Variants in COG5 observed in about 807,000 individuals in gnomAD.
The protein encoded by COG5 is conserved oligomeric Golgi complex subunit 5.
A neutral mutation model predicts 110.4 loss-of-function variants in COG5; 86 were observed. The observed-to-expected ratio is 0.78, with a 90% CI of 0.65 to 0.93. The LOEUF is 0.93. COG5 is among the 40% of genes least tolerant of loss of function. The pLI is 0.00. For missense variants in COG5, 1,077 were observed against 987.0 expected (o/e 1.09, Z -1.22); for synonymous variants, 360 against 334.6 (o/e 1.08, Z -0.83).
chr7:107,282,758 C>T (rs1805285678), intron 13 of COG5, among the ~76,000 whole-genome samples: 1 of 152,074 alleles, frequency 6.6e-6, no homozygotes, highest in Non-Finnish European at 1.5e-5. Flanking sequence ...GGTGATCCAC[C>T]CACCTCCGCC....
intron 5 of COG5, among the ~76,000 whole-genome samples, chr7:107,537,586 A>G (rs2129165741): frequency 6.6e-6 from 1 of 151,946 alleles, no homozygotes; most frequent in South Asian, 2.1e-4. Flanking sequence ...AGGGCCTGTC[A>G]GGGGGTGGGG....
At chr7:107,228,106 G>T (rs1800493492) in intron 19 of COG5, among the ~76,000 whole-genome samples, 1 of 151,660 alleles carries the variant, frequency 6.6e-6, no homozygotes, top group Non-Finnish European at 1.5e-5. Flanking sequence ...TCAAGACCAG[G>T]CTGGGCAACA....
rs149969308 is a variant in COG5, at chr7:107,539,290, G to C, written c.417+8821C>G. Among the ~76,000 whole-genome samples, 5 of 152,242 alleles carry C rather than the reference G, an allele frequency of 3.3e-5. No homozygotes were observed. The East Asian group carries it at 9.6e-4, about 29-fold the overall frequency. On this transcript the variant is annotated intron_variant, in intron 5 of 21. Coordinates refer to ENST00000297135, the MANE Select transcript of COG5 (RefSeq NM_006348.5). ...GTTTTTTCCTCCTCAGTGTTATAAT[G>C]AAATGACATGTTATTCAAGGACCTG... is the stretch of plus-strand genomic sequence containing the variant.
rs1164647458 is a variant in COG5, at chr7:107,332,554, G to C, written c.1027-8033C>G. The stretch of plus-strand genomic sequence containing the variant: ...ATTCTGAAGAGTGGGAATACCTGAG[G>C]GAGGAGAGATTTAAGAAGAAGTGGT... On this transcript the variant is annotated intron_variant, in intron 10 of 21. Transcript: ENST00000297135. 3.9e-5 allele frequency among the ~76,000 whole-genome samples: 6 copies of C among 152,122 alleles called. No individual in the cohort carries two copies. In the East Asian group the frequency reaches 1.2e-3, roughly 29 times the overall value.
At chr7:107,382,631 G>A (rs1815224427) in intron 7 of COG5, among the ~76,000 whole-genome samples, 1 of 151,996 alleles carries the variant, frequency 6.6e-6, no homozygotes, top group Non-Finnish European at 1.5e-5. Context: ...TAAAGACGGG[G>A]TTTCACCATG....
At chr7:107,380,540 C>A (rs1412528459) in intron 7 of COG5, among the ~76,000 whole-genome samples, 1 of 152,144 alleles carries the variant, frequency 6.6e-6, no homozygotes, top group Non-Finnish European at 1.5e-5. Flanking sequence ...AACACCTCTA[C>A]ACAAATAAAC....
At chr7:107,491,385 T>C (rs1797965203) in intron 6 of COG5, among the ~76,000 whole-genome samples, 1 of 152,084 alleles carries the variant, frequency 6.6e-6, no homozygotes, top group Non-Finnish European at 1.5e-5. Context: ...CACCATTTTA[T>C]CCTACTCACT....
At chr7:107,206,519 A>T (rs1798800593) in intron 21 of COG5, among the ~76,000 whole-genome samples, 1 of 152,356 alleles carries the variant, frequency 6.6e-6, no homozygotes, top group South Asian at 2.1e-4. Flanking sequence ...CCCCAAATGT[A>T]GTCCCTACAG....
At chr7:107,523,757 G>A (rs949186284) in intron 6 of COG5, among the ~76,000 whole-genome samples, 9 of 151,908 alleles carry the variant, frequency 5.9e-5, no homozygotes, top group African/African-American at 1.5e-4. Flanking sequence ...GGAGGTTGCC[G>A]TGAGGCGAGA....
chr7:107,514,537 GAAATCCCTTTTATGAAGCAA>G (rs1799783730), intron 6 of COG5, among the ~76,000 whole-genome samples: 1 of 152,122 alleles, frequency 6.6e-6, no homozygotes, highest in Non-Finnish European at 1.5e-5. Flanking sequence ...ACCAATAGCA[GAAATCCCTTTTATGAAGCAA>G]TTAAATGCTG....
At chr7:107,434,426 G>A (rs1469330640) in intron 6 of COG5, among the ~76,000 whole-genome samples, 1 of 152,122 alleles carries the variant, frequency 6.6e-6, no homozygotes, top group Non-Finnish European at 1.5e-5. Context: ...CAACCCAAAA[G>A]TCCACTGGCA....
chr7:107,207,218 C>T (rs560968189), intron 21 of COG5, among the ~76,000 whole-genome samples: 2 of 152,250 alleles, frequency 1.3e-5, no homozygotes, highest in Non-Finnish European at 2.9e-5. Context: ...CATCCTCCCT[C>T]TTCGTCCTAT....
intron 10 of COG5, among the ~76,000 whole-genome samples, chr7:107,334,858 A>G (rs889217582): frequency 6.6e-6 from 1 of 152,206 alleles, no homozygotes; most frequent in Non-Finnish European, 1.5e-5. Flanking sequence ...TTAAGTACGC[A>G]AACAAAACCA....
chr7:107,270,358 T>A lies in COG5; in HGVS notation c.1575+10942A>T, dbSNP rs541138555. On this transcript the variant is annotated intron_variant, in intron 14 of 21. Transcript: ENST00000297135. ...TCGCTACAGCCTCCACCTTCTGGGA[T>A]CAAGTGATCCTTCCTGCCTCAGCTT... is the stretch of plus-strand genomic sequence containing the variant. 2.6e-5 allele frequency among the ~76,000 whole-genome samples: 4 copies of A among 151,544 alleles called. No homozygotes were observed. In the East Asian group the frequency reaches 7.8e-4, roughly 30 times the overall value.
At chr7:107,209,119 G>A (rs1319141540) in intron 21 of COG5, 1 of 985,324 alleles carries the variant, frequency 1.0e-6, no homozygotes, top group African/African-American at 1.7e-5. Flanking sequence ...CTGGCTTTAG[G>A]GAACTCAACT....
At chr7:107,358,951 T>C (rs1483586500) in intron 10 of COG5, among the ~76,000 whole-genome samples, 3 of 152,186 alleles carry the variant, frequency 2.0e-5, no homozygotes, top group Non-Finnish European at 2.9e-5. Flanking sequence ...CATCCTTTCA[T>C]TGTCACAAAT....
chr7:107,368,212 A>G lies in COG5; in HGVS notation c.835+4383T>C, dbSNP rs73724066. On this transcript the variant is annotated intron_variant, in intron 8 of 21. Coordinates refer to ENST00000297135, the MANE Select transcript of COG5 (RefSeq NM_006348.5). ...TTGGAGGTATCAATTAGGATCTAGT[A>G]TTTCTTATGAAGAAGCATTAATTGG... Among the ~76,000 whole-genome samples, 1,368 of 152,170 alleles carry G rather than the reference A, an allele frequency of 9.0e-3. 28 individuals carry two copies. Among genetic ancestry groups the G allele is most frequent in the African/African-American group, 0.031 (1,291 of 41,510 alleles).
intron 17 of COG5, among the ~76,000 whole-genome samples, 188 bp downstream of exon 17, chr7:107,248,208 C>T (rs1368109430): frequency 4.6e-5 from 7 of 151,460 alleles, no homozygotes; most frequent in Admixed American, 4.0e-4. Flanking sequence ...GTGATGAAAA[C>T]GAGAACTGAA....
intron 6 of COG5, among the ~76,000 whole-genome samples, chr7:107,508,247 C>A (rs570194450): frequency 3.9e-5 from 6 of 152,240 alleles, no homozygotes; most frequent in Admixed American, 2.6e-4. Context: ...GCACCTGGCT[C>A]GGAGGGTCCT....
Sources: allele counts gnomAD v4.1 joint callset (sites outside exome capture counted in the v4.1 genomes callset), GRCh38; gene constraint gnomAD v4.1.1; transcripts MANE v1.5; gene names NCBI Gene and HGNC (gene_info 2026-07-23, HGNC 2026-07-21).